The following CADPS variants were observed in gnomAD, a reference collection of about 807,000 sequenced individuals.
The protein encoded by CADPS is calcium dependent secretion activator.
In CADPS, 57 loss-of-function variants were observed where a neutral mutation model predicts 167.3. That is an observed-to-expected ratio of 0.34 (90% CI 0.28 to 0.42). The LOEUF (loss-of-function observed/expected upper bound fraction) is 0.42. CADPS is among the 20% of genes least tolerant of loss of function. The pLI is 1.00. For missense variants in CADPS, 1,414 were observed against 1,738.1 expected, an observed-to-expected ratio of 0.81 and a Z score of 3.32; for synonymous variants, 676 against 635.3, an observed-to-expected ratio of 1.06 and a Z score of -0.96.
At chr3:62,463,800 C>T (rs929376044) in intron 26 of CADPS, among the ~76,000 whole-genome samples, 1 of 152,234 alleles carries the variant, frequency 6.6e-6, no homozygotes, top group East Asian at 1.9e-4. Context: ...TTCCTACTGT[C>T]ATTATCCCCT....
At chr3:62,663,851 C>T (rs2150538358) in intron 3 of CADPS, among the ~76,000 whole-genome samples, 1 of 152,244 alleles carries the variant, frequency 6.6e-6, no homozygotes, top group East Asian at 1.9e-4. Flanking sequence ...TTCCCCTTTC[C>T]ACAGTTTGGG....
chr3:62,742,289 C>T (rs546391314), intron 3 of CADPS, among the ~76,000 whole-genome samples: 13 of 151,908 alleles, frequency 8.6e-5, no homozygotes, highest in African/African-American at 2.7e-4. Flanking sequence ...AAAATTCATA[C>T]GGAATCAAAA....
intron 1 of CADPS, among the ~76,000 whole-genome samples, chr3:62,825,362 C>CA (rs1301446832): frequency 2.0e-5 from 3 of 152,056 alleles, no homozygotes; most frequent in Non-Finnish European, 2.9e-5. Context: ...GTGTGGTATG[C>CA]AAACCAGCAG....
chr3:62,774,126 G>A (rs1195470522), intron 1 of CADPS, among the ~76,000 whole-genome samples: 2 of 152,066 alleles, frequency 1.3e-5, no homozygotes, highest in African/African-American at 4.8e-5. Context: ...GTGAGTTGGG[G>A]CTAAAGATTG....
chr3:62,440,961 A>G (rs2056208067), intron 27 of CADPS: 1 of 152,178 alleles, frequency 6.6e-6, no homozygotes, highest in South Asian at 2.1e-4. Context: ...GGTGATCCTG[A>G]GTCATTGAGA....
intron 3 of CADPS, among the ~76,000 whole-genome samples, chr3:62,737,711 C>G (rs1244792473): frequency 6.6e-6 from 1 of 152,198 alleles, no homozygotes; most frequent in Non-Finnish European, 1.5e-5. Flanking sequence ...TCCATCCACA[C>G]TGATCTTATG....
In CADPS at chr3:62,420,326, C is replaced by T. The variant is rs1290857717; in HGVS notation, c.3778-17141G>A. Among the ~76,000 whole-genome samples the T allele has an allele frequency of 6.6e-6, 1 of 152,154 alleles. No individual in the cohort carries two copies. Among genetic ancestry groups the T allele is most frequent in the Non-Finnish European group, 1.5e-5 (1 of 68,034 alleles). ...TCTATTTCAATTCAATGAACATGAG[C>T]TCTTTGGGGAATGATTTCTCATAAG... is the stretch of plus-strand genomic sequence containing the variant. On this transcript the variant is annotated intron_variant, in intron 28 of 29. Coordinates refer to ENST00000383710, the MANE Select transcript of CADPS (RefSeq NM_003716.4). This position sits in a 1 kb window ranked among gnomAD's most constrained non-coding sequence, Gnocchi z 4.1.
chr3:62,641,727 C>T lies in CADPS; in HGVS notation c.1325+3995G>A, dbSNP rs186329829. Among the ~76,000 whole-genome samples the T allele has an allele frequency of 8.5e-5, 13 of 152,104 alleles. No individual in the cohort carries two copies. The East Asian group carries it at 1.5e-3, about 18-fold the overall frequency. On this transcript the variant is annotated intron_variant, in intron 6 of 29. Coordinates refer to ENST00000383710, the MANE Select transcript of CADPS (RefSeq NM_003716.4). ...TTCTCCTGGCTTTCTATGTTAAAAA[C>T]GCAGGAGAGGAGGACAACAGAAATG...
chr3:62,725,618 G>A (rs1457014053), intron 3 of CADPS, among the ~76,000 whole-genome samples: 1 of 149,448 alleles, frequency 6.7e-6, no homozygotes, highest in Non-Finnish European at 1.5e-5. Context: ...GAATTATTAT[G>A]TGCAAAATAT....
chr3:62,670,538 A>G (rs2150749717), intron 3 of CADPS, among the ~76,000 whole-genome samples: 1 of 152,226 alleles, frequency 6.6e-6, no homozygotes, highest in East Asian at 1.9e-4. Context: ...TGCAGGGTTT[A>G]GCTCCCAGGT....
At chr3:62,717,313 A>T (rs999700632) in intron 3 of CADPS, among the ~76,000 whole-genome samples, 4 of 152,202 alleles carry the variant, frequency 2.6e-5, no homozygotes, top group Admixed American at 2.6e-4. Flanking sequence ...GTAACAACAC[A>T]AATGAGTCCT....
rs201608632 is a variant in CADPS at position 62,766,349 on chromosome 3, A to G, written c.442-365T>C. 3.8e-4 allele frequency among the ~76,000 whole-genome samples: 58 copies of G among 152,198 alleles called. No individual in the cohort carries two copies. In the South Asian group the frequency reaches 7.3e-3, roughly 19 times the overall value. On this transcript the variant is annotated intron_variant, in intron 1 of 29. Transcript: ENST00000383710. ...GGAGTGCTACCACCCATCTCTTCCC[A>G]GCTCCACATTCAGTGTTGTCTCAGT...
chr3:62,549,915 T>G lies in CADPS; in HGVS notation c.1954A>C (p.Ile652Leu), dbSNP rs758155374. ...CATATTTACTTACAAAATTGAGAGA[T>G]AGGGGCATCCAGCTGAGGTACATTT... ...GGNVPQLDAP[I>L]SQFYADRAQK... The change falls in exon 11 of 30, where the codon ATC becomes CTC. Residue 652 changes from isoleucine to leucine, a missense_variant. Physicochemically the swap from Ile to Leu is conservative, Grantham distance 5. This residue lies in a region of CADPS where 529 missense variants were observed against 629.6 expected (regional missense o/e 0.84). Coordinates refer to ENST00000383710, the MANE Select transcript of CADPS (RefSeq NM_003716.4). 1.2e-6 allele frequency: 2 copies of G among 1,613,742 alleles called. No homozygotes were observed. The highest frequency in any genetic ancestry group is 2.2e-5 in the South Asian group (2 of 91,060).
chr3:62,859,030 A>G (rs892965412), intron 1 of CADPS, among the ~76,000 whole-genome samples: 10 of 152,224 alleles, frequency 6.6e-5, no homozygotes, highest in African/African-American at 2.4e-4. Context: ...GCCAAAGGAT[A>G]GTAATTAGAG....
At chr3:62,445,634 C>T (rs1190723052) in intron 27 of CADPS, 131 bp downstream of exon 27, 2 of 544,952 alleles carry the variant, frequency 3.7e-6, no homozygotes, top group Non-Finnish European at 6.0e-6. Flanking sequence ...TGATCCAAGT[C>T]AGCAACACAC....
At position 62,596,070 on chromosome 3, in the gene CADPS, C is replaced by T. The variant is rs191945720; in HGVS notation, c.1326-3322G>A. Reference sequence around the variant, plus strand: ...TGTAAGTTAATACTTAATTAACTCCCGTTTTTATATATATGTATACACACA... The same window carrying T: ...TGTAAGTTAATACTTAATTAACTCCTGTTTTTATATATATGTATACACACA... On this transcript the variant is annotated intron_variant, in intron 6 of 29. Transcript: ENST00000383710. Among the ~76,000 whole-genome samples the T allele has an allele frequency of 1.2e-4, 18 of 147,368 alleles. 1 individual carries two copies. The highest frequency in any genetic ancestry group is 2.1e-4 in the Non-Finnish European group (14 of 67,318).
At chr3:62,824,026 CT>C (rs2073533757) in intron 1 of CADPS, among the ~76,000 whole-genome samples, 1 of 151,952 alleles carries the variant, frequency 6.6e-6, no homozygotes, top group African/African-American at 2.4e-5. Flanking sequence ...GAAAAACAGC[CT>C]GAAATAATCT....
At chr3:62,605,071 A>T (rs537377861) in intron 6 of CADPS, among the ~76,000 whole-genome samples, 25 of 152,332 alleles carry the variant, frequency 1.6e-4, no homozygotes, top group African/African-American at 5.8e-4. Context: ...TTGGAACTTG[A>T]ATCTGCCTTA....
chr3:62,638,075 C>CA (rs1396280552), intron 6 of CADPS, among the ~76,000 whole-genome samples: 3 of 42,864 alleles, frequency 7.0e-5, no homozygotes, highest in Non-Finnish European at 1.7e-4. Flanking sequence ...TTGTTTTAAG[C>CA]ATTATATATA....
Sources: allele counts gnomAD v4.1 joint callset (sites outside exome capture counted in the v4.1 genomes callset), GRCh38; gene constraint gnomAD v4.1.1; regional missense constraint gnomAD v4.1.1; non-coding constraint Gnocchi (gnomAD v3.1); transcripts MANE v1.5; gene names NCBI Gene and HGNC (gene_info 2026-07-23, HGNC 2026-07-21).